NCOA7: variants seen among roughly 807,000 people sequenced by gnomAD.
NCOA7 encodes nuclear receptor coactivator 7.
A neutral mutation model predicts 104.3 loss-of-function variants in NCOA7; 45 were observed. That is an observed-to-expected ratio of 0.43 (90% confidence interval 0.34 to 0.55). The LOEUF is 0.55. Ranked by LOEUF, NCOA7 falls within the 20% of genes least tolerant of loss-of-function variation. The pLI is 0.02. For missense variants in NCOA7, 1,041 were observed against 1,119.7 expected (o/e 0.93, Z 1.00); for synonymous variants, 398 against 402.3 (o/e 0.99, Z 0.13).
intron 2 of NCOA7, among the ~76,000 whole-genome samples, chr6:125,837,467 T>A (rs933656340): frequency 2.6e-5 from 4 of 152,110 alleles, no homozygotes; most frequent in African/African-American, 9.7e-5. Flanking sequence ...TGATAAAACT[T>A]TAAAATCCTC....
Position 125,818,576 on chromosome 6 carries a change from G to GGA in NCOA7, c.50+3181_50+3182dup, listed in dbSNP as rs913712920. On this transcript the variant is annotated intron_variant, in intron 2 of 15. Coordinates refer to ENST00000392477, the MANE Select transcript of NCOA7 (RefSeq NM_181782.5). Reference sequence around the variant, plus strand: ...TGGAGAGAAGAGGGGGTAGGAGCAGGGAGAGAGAGAAAGAGACAGAGAGAG... The same window carrying GGA: ...TGGAGAGAAGAGGGGGTAGGAGCAGGGAGAGAGAGAGAAAGAGACAGAGAGAG... 2.6e-5 allele frequency among the ~76,000 whole-genome samples: 4 copies of GGA among 151,992 alleles called. No homozygotes were observed. In the South Asian group the frequency reaches 8.3e-4, roughly 32 times the overall value.
At chr6:125,819,642 A>G (rs1246490267) in intron 2 of NCOA7, among the ~76,000 whole-genome samples, 2 of 152,244 alleles carry the variant, frequency 1.3e-5, no homozygotes, top group Non-Finnish European at 2.9e-5. Context: ...GAATTACTAA[A>G]GCAAATTATA....
chr6:125,878,947 C>T (rs998845140), intron 5 of NCOA7, among the ~76,000 whole-genome samples: 2 of 152,170 alleles, frequency 1.3e-5, no homozygotes, highest in African/African-American at 4.8e-5. Flanking sequence ...ACTGTTTAAG[C>T]ACAGGAATTA....
intron 2 of NCOA7, among the ~76,000 whole-genome samples, chr6:125,826,705 A>G (rs1778689504): frequency 6.6e-6 from 1 of 152,200 alleles, no homozygotes; most frequent in African/African-American, 2.4e-5. Context: ...GCCCTTATGG[A>G]GAATACTTTT....
chr6:125,807,489 A>G (rs1261012695), intron 1 of NCOA7, among the ~76,000 whole-genome samples: 1 of 152,232 alleles, frequency 6.6e-6, no homozygotes, highest in Non-Finnish European at 1.5e-5. Context: ...GTAATTCCAT[A>G]TATGAATCTT....
intron 10 of NCOA7, among the ~76,000 whole-genome samples, chr6:125,899,085 A>G (rs1339180452): frequency 2.6e-5 from 4 of 152,236 alleles, no homozygotes; most frequent in Non-Finnish European, 5.9e-5. Flanking sequence ...TAAATATTCT[A>G]TTCACATGCA....
chr6:125,914,273 C>T (rs1786849039), intron 10 of NCOA7, among the ~76,000 whole-genome samples: 1 of 152,192 alleles, frequency 6.6e-6, no homozygotes, highest in African/African-American at 2.4e-5. Flanking sequence ...AGCTGTTAAA[C>T]ATGACTACAA....
At chr6:125,844,092 TAACAGTA>T (rs1267241663) in intron 2 of NCOA7, among the ~76,000 whole-genome samples, 1 of 152,226 alleles carries the variant, frequency 6.6e-6, no homozygotes, top group East Asian at 1.9e-4. Flanking sequence ...ACCACTGTTT[TAACAGTA>T]CAAGGAAATC....
At chr6:125,805,766 T>G (rs1776390893) in intron 1 of NCOA7, among the ~76,000 whole-genome samples, 1 of 152,200 alleles carries the variant, frequency 6.6e-6, no homozygotes, top group African/African-American at 2.4e-5. Flanking sequence ...GGCTTGTTAG[T>G]TTACTATTTG....
chr6:125,924,008 G>A (rs981956480), intron 13 of NCOA7, among the ~76,000 whole-genome samples: 9 of 152,162 alleles, frequency 5.9e-5, no homozygotes, highest in African/African-American at 2.2e-4. Context: ...GTTATTTCCT[G>A]ATTGCTGACA....
chr6:125,825,293 G>A lies in NCOA7; in HGVS notation c.50+9889G>A, dbSNP rs144474539. Among the ~76,000 whole-genome samples, 11 of 151,894 alleles carry A rather than the reference G, an allele frequency of 7.2e-5. No individual in the cohort carries two copies. In the East Asian group the frequency reaches 1.7e-3, roughly 24 times the overall value. On this transcript the variant is annotated intron_variant, in intron 2 of 15. Coordinates refer to ENST00000392477, the MANE Select transcript of NCOA7 (RefSeq NM_181782.5). Reference sequence around the variant, plus strand: ...AGTTACAGTGAGCTATGATCATGTCGTTCCAGCCTGAGCAACAAAGCAAGA... The same window carrying A: ...AGTTACAGTGAGCTATGATCATGTCATTCCAGCCTGAGCAACAAAGCAAGA...
Position 125,894,997 on chromosome 6 carries a change from T to C in NCOA7, c.2096+4187T>C, listed in dbSNP as rs539206144. 1.0e-3 allele frequency among the ~76,000 whole-genome samples: 153 copies of C among 152,308 alleles called. 2 individuals are homozygous for C. Among genetic ancestry groups the C allele is most frequent in the South Asian group, 8.9e-3 (43 of 4,824 alleles). On this transcript the variant is annotated intron_variant, in intron 10 of 15. Transcript: ENST00000392477. Reference sequence around the variant, plus strand: ...TACTTCTTAACACTTTGTAGAGATATAATATTCCGTGAATTTGGATACTGT... The same window carrying C: ...TACTTCTTAACACTTTGTAGAGATACAATATTCCGTGAATTTGGATACTGT...
intron 14 of NCOA7, 36 bp downstream of exon 14, chr6:125,927,794 TCA>T (rs747382019): frequency 6.7e-7 from 1 of 1,500,706 alleles, no homozygotes; most frequent in East Asian, 2.3e-5. Flanking sequence ...CTCCCATATG[TCA>T]CAGTGTCCTC....
chr6:125,922,607 T>G, intron 12 of NCOA7, 75 bp from the exon 13 acceptor site: 5 of 1,532,208 alleles, frequency 3.3e-6, no homozygotes, highest in Non-Finnish European at 3.5e-6. Flanking sequence ...ATAACAGGCA[T>G]TTGTTTTGTG....
intron 1 of NCOA7, among the ~76,000 whole-genome samples, chr6:125,802,824 A>G (rs1192532216): frequency 6.6e-6 from 1 of 152,248 alleles, no homozygotes; most frequent in Non-Finnish European, 1.5e-5. Context: ...CCAGTCTGCT[A>G]GAAATTTATA....
intron 8 of NCOA7, among the ~76,000 whole-genome samples, chr6:125,886,164 G>GA (rs57159294): frequency 0.29 from 34,057 of 115,806 alleles, 5,389 homozygotes; most frequent in African/African-American, 0.47. Flanking sequence ...GGGCTTATAT[G>GA]AAAAAAAAAA....
At chr6:125,849,029 C>A (rs1010927140) in intron 2 of NCOA7, among the ~76,000 whole-genome samples, 1 of 152,078 alleles carries the variant, frequency 6.6e-6, no homozygotes, top group African/African-American at 2.4e-5. Flanking sequence ...CTCATTTATC[C>A]ATTAATTTAT....
chr6:125,917,659 A>T (rs1393496852), intron 11 of NCOA7, among the ~76,000 whole-genome samples: 1 of 152,200 alleles, frequency 6.6e-6, no homozygotes, highest in East Asian at 1.9e-4. Context: ...GGAAAAAGAG[A>T]CACAAGCCAC....
chr6:125,836,320 A>G (rs1463873485), intron 2 of NCOA7, among the ~76,000 whole-genome samples: 6 of 152,196 alleles, frequency 3.9e-5, no homozygotes, highest in African/African-American at 1.4e-4. Flanking sequence ...TGAAGTTGTA[A>G]TGTATACATG....
Sources: allele counts gnomAD v4.1 joint callset (sites outside exome capture counted in the v4.1 genomes callset), GRCh38; gene constraint gnomAD v4.1.1; transcripts MANE v1.5; gene names NCBI Gene and HGNC (gene_info 2026-07-23, HGNC 2026-07-21).